Variants in LPCAT1 observed in about 807,000 individuals in gnomAD.
LPCAT1 encodes the protein 1-acylglycerol-3-phosphate O-acyltransferase.
In LPCAT1, 23 loss-of-function variants were observed where a neutral mutation model predicts 60.9. The ratio of observed to expected loss-of-function variants is 0.38; its 90% confidence interval spans 0.27 to 0.53. The LOEUF (loss-of-function observed/expected upper bound fraction) is 0.53, where lower values mean the gene tolerates loss of function less well. Among genes scored for constraint, LPCAT1 ranks in the 20% least tolerant of loss-of-function variants. The pLI, the probability that LPCAT1 is intolerant of heterozygous loss-of-function variation, is 0.82. For synonymous variants in LPCAT1, 340 were observed against 301.1 expected (o/e 1.13, Z -1.34); for missense variants, 622 against 723.6 (o/e 0.86, Z 1.61).
chr5:1,506,243 C>T (rs1003514839), intron 1 of LPCAT1, among the ~76,000 whole-genome samples: 1 of 152,186 alleles, frequency 6.6e-6, no homozygotes, highest in Non-Finnish European at 1.5e-5. Flanking sequence ...AGCAGTGCTC[C>T]TGGTGAAGAG....
At chr5:1,497,336 G>A (rs566294060) in intron 2 of LPCAT1, among the ~76,000 whole-genome samples, 9 of 152,272 alleles carry the variant, frequency 5.9e-5, no homozygotes, top group Admixed American at 5.9e-4. Context: ...GCATGTGGAG[G>A]TGGGTGGGGG....
intron 1 of LPCAT1, among the ~76,000 whole-genome samples, chr5:1,510,208 G>A (rs895060482): frequency 1.3e-5 from 2 of 151,990 alleles, no homozygotes; most frequent in Non-Finnish European, 2.9e-5. Flanking sequence ...GCGCCTCCCC[G>A]CAGGAACCCC....
Position 1,522,880 on chromosome 5 carries a change from G to C in LPCAT1, c.135+830C>G, listed in dbSNP as rs1338377240. Among the ~76,000 whole-genome samples the C allele has an allele frequency of 6.6e-6, 1 of 152,176 alleles. No individual in the cohort carries two copies. ...CAGGTAGCCGGAAAAGCCAGGCTGAGCCAGCACATCCCCGGTGCAGCTTCC... is the reference window on the plus strand; with the variant it reads ...CAGGTAGCCGGAAAAGCCAGGCTGACCCAGCACATCCCCGGTGCAGCTTCC... On this transcript the variant is annotated intron_variant, in intron 1 of 13. Transcript: ENST00000283415. This position sits in a 1 kb window ranked among gnomAD's most constrained non-coding sequence, Gnocchi z 6.8.
rs559744090 is a variant in LPCAT1 at position 1,495,617 on chromosome 5, C to G, written c.279-703G>C. Among the ~76,000 whole-genome samples, 8 of 152,234 alleles carry G rather than the reference C, an allele frequency of 5.3e-5. No individual in the cohort carries two copies. The Middle Eastern group carries it at 0.01, about 194-fold the overall frequency. Reference sequence around the variant, plus strand: ...TGAGGCTACAGATTAGGCTGTTATTCCACACCTCAGGGAATTGACACGCAG... The same window carrying G: ...TGAGGCTACAGATTAGGCTGTTATTGCACACCTCAGGGAATTGACACGCAG... On this transcript the variant is annotated intron_variant, in intron 2 of 13. Transcript: ENST00000283415. The surrounding 1 kb of genome is among the most constrained non-coding windows in gnomAD (Gnocchi z 4.7).
rs1176872849 is a variant in LPCAT1 at position 1,462,700 on chromosome 5, CGGCACGGCGGCGGCTGCCTTG to C, written c.*930_*950del. 6.6e-6 allele frequency: 1 copy of C among 152,238 alleles called. No individual in the cohort carries two copies. The highest frequency in any genetic ancestry group is 1.5e-5 in the Non-Finnish European group (1 of 68,060). 9.4% of individuals were successfully genotyped at this position (152,238 alleles called of 1,614,324 possible). A position where few individuals can be genotyped will look rare whatever the true frequency, so the allele number is the denominator to read the frequency against. ...ACCTGGCCTGAGGGCAAGGGAGGAG[CGGCACGGCGGCGGCTGCCTTG>C]CGCTTCCAGCTCGGGCCCTGCTCAT... On this transcript the variant is annotated 3_prime_UTR_variant, in exon 14 of 14. Transcript: ENST00000283415.
At chr5:1,515,623 C>G (rs1579816757) in intron 1 of LPCAT1, among the ~76,000 whole-genome samples, 3 of 151,802 alleles carry the variant, frequency 2.0e-5, no homozygotes, top group Middle Eastern at 3.4e-3. Flanking sequence ...GGACCCTCCC[C>G]CACCTCCCAC....
At chr5:1,486,306 C>G (rs907502034) in intron 5 of LPCAT1, among the ~76,000 whole-genome samples, 2 of 152,158 alleles carry the variant, frequency 1.3e-5, no homozygotes, top group African/African-American at 4.8e-5. Flanking sequence ...TGGGTCAGAA[C>G]AGGGGGACTC....
chr5:1,518,233 G>A (rs1195411052), intron 1 of LPCAT1, among the ~76,000 whole-genome samples: 3 of 152,188 alleles, frequency 2.0e-5, no homozygotes, highest in East Asian at 1.9e-4. Context: ...AAGGCAATGC[G>A]TGGTTTAAAG....
intron 1 of LPCAT1, among the ~76,000 whole-genome samples, chr5:1,519,893 C>T (rs1736619681): frequency 6.6e-6 from 1 of 152,242 alleles, no homozygotes; most frequent in Admixed American, 6.5e-5. Flanking sequence ...CAGGCACTCT[C>T]CTGCACATCC....
intron 12 of LPCAT1, among the ~76,000 whole-genome samples, chr5:1,467,481 G>A (rs1418978704): frequency 6.6e-6 from 1 of 152,268 alleles, no homozygotes; most frequent in Non-Finnish European, 1.5e-5. Context: ...TCTTCCTCCT[G>A]CTCCAGGTGT....
At chr5:1,475,695 C>T (rs1734877962) in intron 9 of LPCAT1, among the ~76,000 whole-genome samples, 1 of 152,238 alleles carries the variant, frequency 6.6e-6, no homozygotes, top group Admixed American at 6.5e-5. Context: ...CGGGAGGAGG[C>T]GCTGCCAGGG....
intron 1 of LPCAT1, among the ~76,000 whole-genome samples, chr5:1,516,165 G>T (rs1197750469): frequency 6.6e-6 from 1 of 152,232 alleles, no homozygotes; most frequent in Non-Finnish European, 1.5e-5. Flanking sequence ...GTGAGGGAGA[G>T]GAGAGCCCAC....
intron 8 of LPCAT1, 167 bp downstream of exon 8, chr5:1,479,454 G>A: frequency 3.2e-6 from 2 of 626,258 alleles, no homozygotes; most frequent in South Asian, 1.8e-5. Context: ...AGTCATTGAG[G>A]TAAAGCAACC....
chr5:1,462,654 A>G lies in LPCAT1; in HGVS notation c.*997T>C, dbSNP rs988518644. The G allele has an allele frequency of 6.6e-6, 1 of 152,240 alleles. No individual in the cohort carries two copies. The highest frequency in any genetic ancestry group is 6.5e-5 in the Admixed American group (1 of 15,280). The allele number at this position is 152,240 out of a possible 1,614,324, so 9.4% of individuals were successfully genotyped here. Reference sequence around the variant, plus strand: ...CATGGAAACCAGGGCTGACAGGAAGATGCAGCCGCTTCCAGCAGGGACCTG... The same window carrying G: ...CATGGAAACCAGGGCTGACAGGAAGGTGCAGCCGCTTCCAGCAGGGACCTG... On this transcript the variant is annotated 3_prime_UTR_variant, in exon 14 of 14. Coordinates refer to ENST00000283415, the MANE Select transcript of LPCAT1 (RefSeq NM_024830.5).
intron 1 of LPCAT1, among the ~76,000 whole-genome samples, chr5:1,510,086 C>CT (rs1736310274): frequency 6.8e-6 from 1 of 147,392 alleles, no homozygotes; most frequent in Non-Finnish European, 1.5e-5. Flanking sequence ...TGGTGGGTTT[C>CT]TTTGTCTTTT....
chr5:1,465,716 T>C (rs1432097784), intron 13 of LPCAT1, among the ~76,000 whole-genome samples: 2 of 151,800 alleles, frequency 1.3e-5, no homozygotes, highest in East Asian at 1.9e-4. Context: ...ACAACACACA[T>C]GCACGCTTTC....
chr5:1,512,898 C>G (rs1046842625), intron 1 of LPCAT1, among the ~76,000 whole-genome samples: 4 of 152,216 alleles, frequency 2.6e-5, no homozygotes, highest in African/African-American at 9.7e-5. Flanking sequence ...AGAACGAGAC[C>G]GACGGAAACC....
At chr5:1,470,697 A>T in intron 12 of LPCAT1, 129 bp downstream of exon 12, 1 of 626,132 alleles carries the variant, frequency 1.6e-6, no homozygotes, top group Non-Finnish European at 2.7e-6. Flanking sequence ...TAAAAAGCTT[A>T]CGTAAAAATA....
intron 12 of LPCAT1, among the ~76,000 whole-genome samples, chr5:1,468,116 G>T (rs900348380): frequency 6.6e-6 from 1 of 152,130 alleles, no homozygotes; most frequent in Non-Finnish European, 1.5e-5. Flanking sequence ...TTCCGGCCTG[G>T]CAAGCTGTCC....
Sources: gnomAD v4.1 joint callset for allele counts (sites outside exome capture counted in the v4.1 genomes callset) on GRCh38, gnomAD v4.1.1 for gene constraint, Gnocchi (gnomAD v3.1) non-coding constraint, MANE v1.5 for transcripts, NCBI Gene and HGNC (gene_info 2026-07-23, HGNC 2026-07-21) for gene names.